The following COMMD10 variants were observed in gnomAD, a reference collection of about 807,000 sequenced individuals.
The protein encoded by COMMD10 is COMM domain containing 10, also known as COMM domain-containing protein 10.
COMMD10 carries 33 observed loss-of-function variants against 28.9 expected under a neutral mutation model. That is an observed-to-expected ratio of 1.14 (90% CI 0.87 to 1.53). The LOEUF (loss-of-function observed/expected upper bound fraction) is 1.53, where lower values mean the gene tolerates loss of function less well. COMMD10 is among the 40% of genes most tolerant of loss of function. COMMD10 has a pLI of 0.00. For missense variants in COMMD10, 310 were observed against 233.4 expected, an observed-to-expected ratio of 1.33 and a Z score of -2.14; for synonymous variants, 110 against 81.7, an observed-to-expected ratio of 1.35 and a Z score of -1.87.
At chr5:116,157,612 T>A (rs1752760519) in intron 5 of COMMD10, among the ~76,000 whole-genome samples, 1 of 152,176 alleles carries the variant, frequency 6.6e-6, no homozygotes, top group South Asian at 2.1e-4. Context: ...CCAAAGGAAT[T>A]TGAAAGAATA....
chr5:116,157,329 A>G (rs1311339757), intron 5 of COMMD10, among the ~76,000 whole-genome samples: 1 of 152,170 alleles, frequency 6.6e-6, no homozygotes, highest in African/African-American at 2.4e-5. Context: ...AACAATAACC[A>G]TTTATTATTG....
At chr5:116,272,150 C>A (rs1441359593) in intron 5 of COMMD10, among the ~76,000 whole-genome samples, 1 of 151,806 alleles carries the variant, frequency 6.6e-6, no homozygotes, top group Non-Finnish European at 1.5e-5. Context: ...ATAATACCAG[C>A]CATTTAGTCC....
At chr5:116,266,367 A>AT (rs1750584308) in intron 5 of COMMD10, among the ~76,000 whole-genome samples, 1 of 151,816 alleles carries the variant, frequency 6.6e-6, no homozygotes, top group African/African-American at 2.4e-5. Context: ...CTAAAGGGGT[A>AT]TATTTCAATG....
intron 4 of COMMD10, among the ~76,000 whole-genome samples, chr5:116,107,984 TG>T (rs1396741493): frequency 6.6e-6 from 1 of 152,232 alleles, no homozygotes; most frequent in Non-Finnish European, 1.5e-5. Context: ...CCTGTTTGCC[TG>T]GGTATCACCA....
intron 2 of COMMD10, among the ~76,000 whole-genome samples, chr5:116,090,279 G>A (rs1361878126): frequency 2.0e-5 from 3 of 152,152 alleles, no homozygotes; most frequent in Non-Finnish European, 4.4e-5. Context: ...GTTACAATGT[G>A]TGGAGGGTGC....
At chr5:116,243,137 A>G (rs992439995) in intron 5 of COMMD10, among the ~76,000 whole-genome samples, 69 of 152,296 alleles carry the variant, frequency 4.5e-4, no homozygotes, top group Middle Eastern at 3.4e-3. Flanking sequence ...TCATATTTCA[A>G]AATTAAATGC....
At chr5:116,106,522 C>G (rs1024871724) in intron 4 of COMMD10, among the ~76,000 whole-genome samples, 3 of 152,138 alleles carry the variant, frequency 2.0e-5, no homozygotes, top group African/African-American at 4.8e-5. Flanking sequence ...GAGCTGAGTT[C>G]AAGTCCTGGA....
chr5:116,287,927 G>GGTTTT (rs999067118), intron 5 of COMMD10, among the ~76,000 whole-genome samples: 1 of 151,316 alleles, frequency 6.6e-6, no homozygotes, highest in East Asian at 1.9e-4. Flanking sequence ...TAGATTTATG[G>GGTTTT]GTTTTGTTTT....
intron 3 of COMMD10, among the ~76,000 whole-genome samples, chr5:116,092,168 TG>T (rs1428973899): frequency 2.0e-5 from 3 of 152,198 alleles, no homozygotes. Context: ...GGAAAAAATT[TG>T]TTAGTTGGGA....
rs1751404487 is a variant in COMMD10, at chr5:116,292,761, A to T, written c.*272A>T. The T allele has an allele frequency of 9.8e-6, 4 of 409,626 alleles. No individual in the cohort carries two copies. Among genetic ancestry groups the T allele is most frequent in the African/African-American group, 2.0e-5 (1 of 48,818 alleles). 25.4% of individuals were successfully genotyped at this position (409,626 alleles called of 1,614,324 possible). A position where few individuals can be genotyped will look rare whatever the true frequency, so the allele number is the denominator to read the frequency against. On this transcript the variant is annotated 3_prime_UTR_variant, in exon 7 of 7. Transcript: ENST00000274458. ...CAAAAGTGAATACCATATTGTTTTT[A>T]CTGTCATAGTGTTGCTTTCTTGCCT...
chr5:116,128,691 C>A (rs1751748304), intron 4 of COMMD10, among the ~76,000 whole-genome samples: 1 of 151,894 alleles, frequency 6.6e-6, no homozygotes. Flanking sequence ...GCAATGCCTA[C>A]TATAGGTCTG....
intron 5 of COMMD10, among the ~76,000 whole-genome samples, chr5:116,265,079 G>T (rs1476419914): frequency 6.6e-6 from 1 of 151,718 alleles, no homozygotes; most frequent in African/African-American, 2.4e-5. Flanking sequence ...CAGACATTTT[G>T]TCTGCTTCGC....
At chr5:116,151,761 G>A (rs997461270) in intron 5 of COMMD10, among the ~76,000 whole-genome samples, 10 of 151,894 alleles carry the variant, frequency 6.6e-5, no homozygotes, top group African/African-American at 2.4e-4. Context: ...TTCTTTATTA[G>A]TCTTGCTAAT....
At chr5:116,160,873 C>A (rs556828165) in intron 5 of COMMD10, among the ~76,000 whole-genome samples, 1 of 152,250 alleles carries the variant, frequency 6.6e-6, no homozygotes, top group South Asian at 2.1e-4. Flanking sequence ...TACAATTGTT[C>A]TCCCTTGCCA....
At chr5:116,272,238 G>T (rs770888266) in intron 5 of COMMD10, among the ~76,000 whole-genome samples, 1 of 151,702 alleles carries the variant, frequency 6.6e-6, no homozygotes, top group Non-Finnish European at 1.5e-5. Flanking sequence ...TGAAAAAAAT[G>T]GGTATTCTTT....
intron 1 of COMMD10, 122 bp downstream of exon 1, chr5:116,085,215 G>T: frequency 1.4e-6 from 1 of 717,884 alleles, no homozygotes; most frequent in Non-Finnish European, 2.4e-6. Flanking sequence ...AGTGGGGTGG[G>T]GTGGGGTGGG....
In COMMD10 at chr5:116,087,526, C is replaced by G. The variant is rs766795316; in HGVS notation, c.71C>G (p.Ala24Gly). Reference sequence around the variant, plus strand: ...AAGAAAGCAGTGTCACTGATAAATGCAATAGATACAGGAAGATTTCCACGG... The same window carrying G: ...AAGAAAGCAGTGTCACTGATAAATGGAATAGATACAGGAAGATTTCCACGG... ...SMKKAVSLIN[A>G]IDTGRFPRLL... The change falls in exon 2 of 7, where the codon GCA becomes GGA. Residue 24 changes from alanine (A) to glycine (G), a missense_variant. Physicochemically the swap from Ala to Gly is moderately conservative, Grantham distance 60 (BLOSUM62 0). Transcript: ENST00000274458. The G allele has an allele frequency of 2.5e-6, 4 of 1,611,490 alleles. No homozygotes were observed. The highest frequency in any genetic ancestry group is 3.4e-6 in the Non-Finnish European group (4 of 1,177,578).
intron 4 of COMMD10, among the ~76,000 whole-genome samples, chr5:116,132,560 A>G (rs1751894318): frequency 6.6e-6 from 1 of 152,168 alleles, no homozygotes; most frequent in Non-Finnish European, 1.5e-5. Context: ...AGTTATGTTA[A>G]GTGCCTAATG....
At chr5:116,280,662 TTGTAAA>T (rs1751045932) in intron 5 of COMMD10, among the ~76,000 whole-genome samples, 1 of 151,944 alleles carries the variant, frequency 6.6e-6, no homozygotes, top group South Asian at 2.1e-4. Flanking sequence ...TGACTAACAG[TTGTAAA>T]TGTAAGTAGA....
Sources: allele counts gnomAD v4.1 joint callset (sites outside exome capture counted in the v4.1 genomes callset), GRCh38; gene constraint gnomAD v4.1.1; transcripts MANE v1.5; gene names NCBI Gene and HGNC (gene_info 2026-07-23, HGNC 2026-07-21).